Variants in TRIM23 observed in about 807,000 individuals in gnomAD.
TRIM23 encodes the protein tripartite motif containing 23.
TRIM23 carries 27 observed loss-of-function variants against 71.0 expected under a neutral mutation model. That is an observed-to-expected ratio of 0.38 (90% CI 0.28 to 0.52). The LOEUF is 0.52. Ranked by LOEUF, TRIM23 falls within the 20% of genes least tolerant of loss-of-function variation. The probability of loss-of-function intolerance (pLI) is 0.84; values close to 1 mark genes in which losing one functional copy is unlikely to be tolerated. For synonymous variants in TRIM23, 234 were observed against 238.0 expected, an observed-to-expected ratio of 0.98 and a Z score of 0.16; for missense variants, 482 against 692.3, an observed-to-expected ratio of 0.70 and a Z score of 3.41.
intron 7 of TRIM23, chr5:65,604,549 G>A (rs1201628963): frequency 1.3e-5 from 2 of 158,766 alleles, no homozygotes; most frequent in East Asian, 1.8e-4. Flanking sequence ...TAGGTAAAAG[G>A]GGAGATGAAA....
At position 65,609,236 on chromosome 5, in the gene TRIM23, T is replaced by C; in HGVS notation, c.1044+7A>G. ...ACTAAGTCCCTAACCACATTTAAAC[T>C]ACCTACCTGCTGCAAAGTCTTTTCA... On this transcript the variant is annotated splice_region_variant and intron_variant, in intron 6 of 10. Coordinates refer to ENST00000231524, the MANE Select transcript of TRIM23 (RefSeq NM_001656.4). 1 of 1,614,064 alleles carries C rather than the reference T, an allele frequency of 6.2e-7. No homozygotes were observed.
At chr5:65,621,972 C>T (rs572764939) in intron 1 of TRIM23, among the ~76,000 whole-genome samples, 1 of 152,008 alleles carries the variant, frequency 6.6e-6, no homozygotes, top group South Asian at 2.1e-4. Flanking sequence ...GTACCACAGG[C>T]ATGTGCCACT....
Position 65,614,105 on chromosome 5 carries a change from G to C in TRIM23, c.359C>G (p.Ser120Cys). 6.2e-7 allele frequency: 1 copy of C among 1,613,564 alleles called. No individual in the cohort carries two copies. Among genetic ancestry groups the C allele is most frequent in the Non-Finnish European group, 8.5e-7 (1 of 1,179,848 alleles). ...YGAAEESIGISGESIIRCDED... is the reference protein window; with the variant it reads ...YGAAEESIGICGESIIRCDED... The stretch of plus-strand genomic sequence containing the variant: ...ACCAAGTATGATCAATACCTCTCCA[G>C]ATATCCCAATGGATTCTTCTGCAGC... The change falls in exon 3 of 11, where the codon TCT becomes TGT. Residue 120 changes from serine to cysteine, a missense_variant. Ser to Cys is a moderately radical substitution (Grantham distance 112). Coordinates refer to ENST00000231524, the MANE Select transcript of TRIM23 (RefSeq NM_001656.4).
At chr5:65,601,444 A>C (rs1207312398) in intron 7 of TRIM23, among the ~76,000 whole-genome samples, 2 of 152,154 alleles carry the variant, frequency 1.3e-5, no homozygotes, top group African/African-American at 4.8e-5. Flanking sequence ...GCAAGAGAAA[A>C]ATGAGGAAGA....
At chr5:65,610,534 G>C (rs114136360) in intron 5 of TRIM23, among the ~76,000 whole-genome samples, 2,401 of 152,172 alleles carry the variant, frequency 0.016, 25 homozygotes, top group Non-Finnish European at 0.024. Context: ...CTCATTCCCC[G>C]TTCTGCTCTT....
chr5:65,600,378 C>T (rs1754328983), intron 7 of TRIM23, among the ~76,000 whole-genome samples: 1 of 152,100 alleles, frequency 6.6e-6, no homozygotes, highest in Non-Finnish European at 1.5e-5. Context: ...AATAGGGTCA[C>T]ATGATCTTCA....
intron 6 of TRIM23, among the ~76,000 whole-genome samples, chr5:65,605,904 C>A (rs975048359): frequency 6.6e-6 from 1 of 152,192 alleles, no homozygotes; most frequent in Non-Finnish European, 1.5e-5. Flanking sequence ...GCATGCCCTA[C>A]GTACAATCTG....
rs183890730 is a variant in TRIM23 at position 65,615,115 on chromosome 5, G to A, written c.245-896C>T. On this transcript the variant is annotated intron_variant, in intron 2 of 10. Coordinates refer to ENST00000231524, the MANE Select transcript of TRIM23 (RefSeq NM_001656.4). ...GGGGTTTCGCCATGCTGGTCAGGCC[G>A]GTCTCAAAACTCCTGGCCTAAAGTG... Among the ~76,000 whole-genome samples, 76 of 151,854 alleles carry A rather than the reference G, an allele frequency of 5.0e-4. No individual in the cohort carries two copies. The East Asian group carries it at 5.6e-3, about 11-fold the overall frequency.
At chr5:65,616,962 T>C (rs1754793285) in intron 2 of TRIM23, among the ~76,000 whole-genome samples, 1 of 152,192 alleles carries the variant, frequency 6.6e-6, no homozygotes, top group Admixed American at 6.5e-5. Context: ...CTTCAGGTGA[T>C]CCACCCATCT....
intron 10 of TRIM23, among the ~76,000 whole-genome samples, chr5:65,593,920 T>A (rs935450166): frequency 1.3e-5 from 2 of 152,262 alleles, no homozygotes; most frequent in Non-Finnish European, 2.9e-5. Flanking sequence ...AACACTGATA[T>A]GATCTTATTA....
intron 6 of TRIM23, among the ~76,000 whole-genome samples, chr5:65,606,427 G>A (rs530611332): frequency 6.7e-6 from 1 of 148,190 alleles, no homozygotes; most frequent in African/African-American, 2.5e-5. Context: ...GCTAGCCTGG[G>A]AGCAAGACCC....
chr5:65,604,257 A>T (rs1754437472), intron 7 of TRIM23, among the ~76,000 whole-genome samples: 1 of 151,974 alleles, frequency 6.6e-6, no homozygotes, highest in Admixed American at 6.6e-5. Flanking sequence ...CCACTATGCC[A>T]AAAATTTTTG....
intron 7 of TRIM23, among the ~76,000 whole-genome samples, chr5:65,602,602 T>A (rs62369057): frequency 0.074 from 11,246 of 152,196 alleles, 420 homozygotes; most frequent in East Asian, 0.097. Context: ...ACCAATTTAC[T>A]GTATTAGTCC....
intron 2 of TRIM23, among the ~76,000 whole-genome samples, chr5:65,615,314 T>C (rs1754751098): frequency 6.6e-6 from 1 of 152,168 alleles, no homozygotes; most frequent in Non-Finnish European, 1.5e-5. Context: ...AAGAAATACA[T>C]ATAACATTGT....
Position 65,610,923 on chromosome 5 carries a change from G to A in TRIM23, c.766C>T (p.Gln256Ter). The change falls in exon 5 of 11, where the codon CAG becomes TAG. Residue 256 changes from glutamine to a stop codon, truncating the protein, a stop_gained. Coordinates refer to ENST00000231524, the MANE Select transcript of TRIM23 (RefSeq NM_001656.4). LOFTEE classifies it high-confidence loss of function. The part of the protein sequence containing the change: ...DYSRKLVGIV[Q>*]HIEGGEQIVE... The stretch of plus-strand genomic sequence containing the variant: ...ATTTGTTCTCCTCCTTCAATGTGCT[G>A]CACAATTCCAACTAATTTTCTGGAA... 1 of 1,613,660 alleles carries A rather than the reference G, an allele frequency of 6.2e-7. No homozygotes were observed. The highest frequency in any genetic ancestry group is 8.5e-7 in the Non-Finnish European group (1 of 1,179,800).
chr5:65,620,325 T>C (rs1754896932), intron 1 of TRIM23, among the ~76,000 whole-genome samples: 1 of 152,154 alleles, frequency 6.6e-6, no homozygotes, highest in Admixed American at 6.5e-5. Flanking sequence ...CCTACAAGCA[T>C]ACTAGACACG....
chr5:65,590,366 CTT>C lies in TRIM23; in HGVS notation c.*1401_*1402del. 5 of 1,364,316 alleles carry C rather than the reference CTT, an allele frequency of 3.7e-6. No homozygotes were observed. The highest frequency in any genetic ancestry group is 5.5e-5 in the Admixed American group (2 of 36,484). The allele number at this position is 1,364,316 out of a possible 1,614,324, so 84.5% of individuals were successfully genotyped here. On this transcript the variant is annotated 3_prime_UTR_variant, in exon 11 of 11. Coordinates refer to ENST00000231524, the MANE Select transcript of TRIM23 (RefSeq NM_001656.4). Reference sequence around the variant, plus strand: ...ACATATTGCCCATAATACTGATAGGCTTTTTTTTTAATGCTTTGTTTTCTAAA... The same window carrying C: ...ACATATTGCCCATAATACTGATAGGCTTTTTTTAATGCTTTGTTTTCTAAA...
rs1425253235 is a variant in TRIM23, at chr5:65,589,738, A to G, written c.*2031T>C. The G allele has an allele frequency of 6.6e-6, 1 of 152,402 alleles. No individual in the cohort carries two copies. Among genetic ancestry groups the G allele is most frequent in the African/African-American group, 2.4e-5 (1 of 41,432 alleles). 9.4% of individuals were successfully genotyped at this position (152,402 alleles called of 1,614,324 possible). A position where few individuals can be genotyped will look rare whatever the true frequency, so the allele number is the denominator to read the frequency against. Reference sequence around the variant, plus strand: ...CTATACTTATCATATATGTAGTGCAAATAATGGCTTCTGATGGTTATAAAG... The same window carrying G: ...CTATACTTATCATATATGTAGTGCAGATAATGGCTTCTGATGGTTATAAAG... On this transcript the variant is annotated 3_prime_UTR_variant, in exon 11 of 11. Transcript: ENST00000231524.
At chr5:65,623,444 T>G (rs80272286) in intron 1 of TRIM23, among the ~76,000 whole-genome samples, 4,685 of 152,264 alleles carry the variant, frequency 0.031, 128 homozygotes, top group Non-Finnish European at 0.042. Flanking sequence ...CCCCTCCATA[T>G]CTTTCCGTGC....
Sources: allele counts gnomAD v4.1 joint callset (sites outside exome capture counted in the v4.1 genomes callset), GRCh38; gene constraint gnomAD v4.1.1; transcripts MANE v1.5; gene names NCBI Gene and HGNC (gene_info 2026-07-23, HGNC 2026-07-21).